Variants in SLCO1B3 observed in about 807,000 individuals in gnomAD.
SLCO1B3 encodes liver-specific organic anion transporter 2.
SLCO1B3 carries 72 observed loss-of-function variants against 71.8 expected under a neutral mutation model. That is an observed-to-expected ratio of 1.00 (90% CI 0.83 to 1.22). The LOEUF is 1.22. Among genes scored for constraint, SLCO1B3 ranks in the 50% most tolerant of loss-of-function variants. SLCO1B3 has a pLI of 0.00. For missense variants in SLCO1B3, 911 were observed against 819.7 expected (o/e 1.11, Z -1.36); for synonymous variants, 298 against 278.4 (o/e 1.07, Z -0.70).
rs922854489 is a variant in SLCO1B3 at position 20,820,240 on chromosome 12, A to C, written c.84+4418A>C. ...TAAAGCTCGGCGTCCGTGATGGTCT[A>C]TGGGGCTTCTGAGGTGATCAGGCAG... On this transcript the variant is annotated intron_variant, in intron 3 of 15. Coordinates refer to ENST00000381545, the MANE Select transcript of SLCO1B3 (RefSeq NM_019844.4). Among the ~76,000 whole-genome samples, 5 of 152,090 alleles carry C rather than the reference A, an allele frequency of 3.3e-5. No individual in the cohort carries two copies. The East Asian group carries it at 7.7e-4, about 24-fold the overall frequency.
chr12:20,881,621 T>C (rs965838768), intron 12 of SLCO1B3, among the ~76,000 whole-genome samples: 6 of 152,290 alleles, frequency 3.9e-5, no homozygotes, highest in Admixed American at 2.6e-4. Flanking sequence ...AGTATCCTAC[T>C]CACTGATTGC....
chr12:20,847,027 C>T (rs949255388), intron 3 of SLCO1B3, among the ~76,000 whole-genome samples: 1 of 151,994 alleles, frequency 6.6e-6, no homozygotes, highest in Non-Finnish European at 1.5e-5. Flanking sequence ...GTTGGTAGTT[C>T]ACAATTTTAA....
intron 3 of SLCO1B3, among the ~76,000 whole-genome samples, chr12:20,821,688 A>G (rs1342394045): frequency 3.3e-5 from 5 of 152,160 alleles, no homozygotes; most frequent in African/African-American, 1.2e-4. Context: ...ACATGGAGAG[A>G]AGGGGTTGGG....
intron 3 of SLCO1B3, among the ~76,000 whole-genome samples, chr12:20,822,069 G>A (rs1864323113): frequency 6.6e-6 from 1 of 152,210 alleles, no homozygotes; most frequent in South Asian, 2.1e-4. Context: ...TGTTTCTTGG[G>A]CTGGTCGGTC....
chr12:20,910,280 T>C (rs1037265125), intron 15 of SLCO1B3, among the ~76,000 whole-genome samples: 40 of 152,186 alleles, frequency 2.6e-4, no homozygotes, highest in Admixed American at 9.2e-4. Context: ...TGGGTCTATT[T>C]CTGGGCTATT....
chr12:20,833,368 A>G (rs1447615286), intron 3 of SLCO1B3, among the ~76,000 whole-genome samples: 1 of 151,266 alleles, frequency 6.6e-6, no homozygotes, highest in Non-Finnish European at 1.5e-5. Context: ...TATATTATAT[A>G]TAACATTACA....
rs1865560915 is a variant in SLCO1B3, at chr12:20,875,436, A to G, written c.929A>G (p.Asn310Ser). The change falls in exon 9 of 16, where the codon AAT (asparagine) becomes AGT (serine). Residue 310 changes from asparagine to serine, a missense_variant. Asn to Ser is a conservative substitution (Grantham distance 46). Transcript: ENST00000381545. ...KTNDDRNQTA[N>S]LTNQGKNVTK... ...AATGATGATAGAAATCAAACAGCTA[A>G]TTTGACCAACCAAGGAAAAAATGTT... 6.2e-7 allele frequency: 1 copy of G among 1,604,234 alleles called. No individual in the cohort carries two copies. Among genetic ancestry groups the G allele is most frequent in the Non-Finnish European group, 8.5e-7 (1 of 1,177,902 alleles).
At chr12:20,846,651 T>A (rs1252098948) in intron 3 of SLCO1B3, among the ~76,000 whole-genome samples, 1 of 152,098 alleles carries the variant, frequency 6.6e-6, no homozygotes, top group African/African-American at 2.4e-5. Flanking sequence ...CATGGATACT[T>A]GTGAGGAATG....
In SLCO1B3 at chr12:20,855,186, C is replaced by T; in HGVS notation, c.226+17C>T. On this transcript the variant is annotated intron_variant, in intron 4 of 15. Coordinates refer to ENST00000381545, the MANE Select transcript of SLCO1B3 (RefSeq NM_019844.4). ...TTGAAATTGGTAACTTTTATTTTTT[C>T]TATTTGATAACCATACTTGCATAAG... 1.3e-6 allele frequency: 2 copies of T among 1,591,972 alleles called. No individual in the cohort carries two copies. Among genetic ancestry groups the T allele is most frequent in the Non-Finnish European group, 1.7e-6 (2 of 1,164,428 alleles).
intron 3 of SLCO1B3, among the ~76,000 whole-genome samples, chr12:20,821,845 C>A (rs1283790367): frequency 1.3e-5 from 2 of 152,180 alleles, no homozygotes; most frequent in African/African-American, 2.4e-5. Context: ...GGGAAGGCTG[C>A]CTTCCCAGTC....
chr12:20,905,302 A>G (rs1866220012), intron 15 of SLCO1B3, among the ~76,000 whole-genome samples: 1 of 152,184 alleles, frequency 6.6e-6, no homozygotes, highest in South Asian at 2.1e-4. Context: ...AAAATGTCCT[A>G]GAGATATTTT....
intron 3 of SLCO1B3, among the ~76,000 whole-genome samples, chr12:20,820,686 A>T (rs12821677): frequency 7.9e-5 from 12 of 152,024 alleles, no homozygotes; most frequent in African/African-American, 1.9e-4. Flanking sequence ...ATTTAATGTC[A>T]GGAGCAGATT....
At chr12:20,860,550 T>C (rs1445434199) in intron 5 of SLCO1B3, among the ~76,000 whole-genome samples, 1 of 152,012 alleles carries the variant, frequency 6.6e-6, no homozygotes, top group East Asian at 1.9e-4. Flanking sequence ...TCATAAAGTT[T>C]AAATGAATTA....
intron 15 of SLCO1B3, among the ~76,000 whole-genome samples, chr12:20,907,981 A>T (rs1866288631): frequency 6.6e-6 from 1 of 152,170 alleles, no homozygotes; most frequent in African/African-American, 2.4e-5. Flanking sequence ...TCCAAGCATT[A>T]GCATAACATT....
chr12:20,890,229 TAAAAA>T (rs75321468), intron 13 of SLCO1B3, among the ~76,000 whole-genome samples: 2 of 151,472 alleles, frequency 1.3e-5, no homozygotes, highest in Non-Finnish European at 2.9e-5. Context: ...TCATTTCAAT[TAAAAA>T]AAAAATCTGC....
intron 12 of SLCO1B3, among the ~76,000 whole-genome samples, chr12:20,883,216 A>G (rs1865726117): frequency 6.6e-6 from 1 of 152,334 alleles, no homozygotes; most frequent in African/African-American, 2.4e-5. Context: ...AAAAAATTAT[A>G]TACAGAATTT....
At chr12:20,886,354 C>A (rs547992602) in intron 13 of SLCO1B3, among the ~76,000 whole-genome samples, 1 of 151,954 alleles carries the variant, frequency 6.6e-6, no homozygotes, top group Admixed American at 6.6e-5. Flanking sequence ...TATACAGATG[C>A]TATTTAAATC....
chr12:20,878,703 C>T (rs1020231075), intron 10 of SLCO1B3, among the ~76,000 whole-genome samples: 4 of 152,114 alleles, frequency 2.6e-5, no homozygotes, highest in Admixed American at 2.0e-4. Context: ...TTAAAAGATT[C>T]AGTTTTGACT....
At position 20,862,801 on chromosome 12, in the gene SLCO1B3, C is replaced by T; in HGVS notation, c.674C>T (p.Ala225Val). ...ATGATTGGTCCAGTCATTGGCTTTG[C>T]ACTGGGATCTCTGTTTGCTAAAATG... is the stretch of plus-strand genomic sequence containing the variant. ...IGMIGPVIGF[A>V]LGSLFAKMYV... The change falls in exon 8 of 16, where the codon GCA (alanine) becomes GTA (valine). Residue 225 changes from alanine (A) to valine (V), a missense_variant. Transcript: ENST00000381545. 6.2e-7 allele frequency: 1 copy of T among 1,611,864 alleles called. No homozygotes were observed. The highest frequency in any genetic ancestry group is 8.5e-7 in the Non-Finnish European group (1 of 1,178,136).
Sources: allele counts gnomAD v4.1 joint callset (sites outside exome capture counted in the v4.1 genomes callset), GRCh38; gene constraint gnomAD v4.1.1; transcripts MANE v1.5; gene names NCBI Gene and HGNC (gene_info 2026-07-23, HGNC 2026-07-21).